The following KIF2A variants were observed in gnomAD, a reference collection of about 807,000 sequenced individuals.
KIF2A encodes kinesin family member 2A.
KIF2A carries 22 observed loss-of-function variants against 100.2 expected under a neutral mutation model. The ratio of observed to expected loss-of-function variants is 0.22; its 90% CI spans 0.16 to 0.31. KIF2A has a LOEUF of 0.31. Among genes scored for constraint, KIF2A ranks in the 10% least tolerant of loss-of-function variants. The pLI, the probability that KIF2A is intolerant of heterozygous loss-of-function variation, is 1.00. For synonymous variants in KIF2A, 268 were observed against 285.9 expected, an observed-to-expected ratio of 0.94 and a Z score of 0.63; for missense variants, 495 against 898.7, an observed-to-expected ratio of 0.55 and a Z score of 5.74.
chr5:62,371,186 C>T (rs929287974), intron 16 of KIF2A, among the ~76,000 whole-genome samples: 1 of 151,866 alleles, frequency 6.6e-6, no homozygotes, highest in Non-Finnish European at 1.5e-5. Flanking sequence ...AGCAGGAGGT[C>T]AAGGCTGCAA....
intron 1 of KIF2A, among the ~76,000 whole-genome samples, chr5:62,313,383 G>A (rs1385921925): frequency 1.3e-5 from 2 of 151,998 alleles, no homozygotes; most frequent in Non-Finnish European, 2.9e-5. Context: ...AGGGAGTCTC[G>A]CTCTTGTTGC....
chr5:62,353,477 G>T (rs1159812409), intron 6 of KIF2A, 102 bp downstream of exon 6: 4 of 510,100 alleles, frequency 7.8e-6, no homozygotes, highest in Admixed American at 8.4e-5. Flanking sequence ...CATTTTTTTT[G>T]AAGAATTTTA....
At chr5:62,307,912 C>G (rs1347417192) in intron 1 of KIF2A, among the ~76,000 whole-genome samples, 1 of 152,246 alleles carries the variant, frequency 6.6e-6, no homozygotes, top group Admixed American at 6.5e-5. Context: ...GCCATCGCGC[C>G]TGGCCTCGAT....
chr5:62,357,548 A>G lies in KIF2A; in HGVS notation c.655-143A>G, dbSNP rs563325841. The G allele has an allele frequency of 3.8e-3, 1,821 of 473,270 alleles. 10 individuals carry two copies. Among genetic ancestry groups the G allele is most frequent in the Non-Finnish European group, 5.1e-3 (1,362 of 269,338 alleles). The allele number at this position is 473,270 out of a possible 1,614,324, so 29.3% of individuals were successfully genotyped here. On this transcript the variant is annotated intron_variant, in intron 7 of 20. Transcript: ENST00000407818. ...TCTGACAACCATTAAAATTTGTGCA[A>G]AGCTAATTTGTTTTTTAAGCTTACC...
rs1402405359 is a variant in KIF2A at position 62,372,564 on chromosome 5, CTATACA to C, written c.1760+16_1760+21del. 7.5e-7 allele frequency: 1 copy of C among 1,326,744 alleles called. No individual in the cohort carries two copies. 82.2% of individuals were successfully genotyped at this position (1,326,744 alleles called of 1,614,324 possible). ...CTTCAGTTACCAGGTCTACTTCATT[CTATACA>C]TAAGATGTTTATTTGTATACTTTCT... On this transcript the variant is annotated intron_variant, in intron 17 of 20. Coordinates refer to ENST00000407818, the MANE Select transcript of KIF2A (RefSeq NM_001098511.3).
At chr5:62,332,291 TA>T (rs1212358149) in intron 1 of KIF2A, among the ~76,000 whole-genome samples, 2 of 152,202 alleles carry the variant, frequency 1.3e-5, no homozygotes, top group African/African-American at 2.4e-5. Flanking sequence ...TCCATGTATT[TA>T]TTTTTCTTCA....
At chr5:62,368,083 G>A (rs1741161218) in intron 16 of KIF2A, among the ~76,000 whole-genome samples, 1 of 151,936 alleles carries the variant, frequency 6.6e-6, no homozygotes, top group South Asian at 2.1e-4. Flanking sequence ...TAATTAAATG[G>A]ATAATGGATA....
intron 1 of KIF2A, among the ~76,000 whole-genome samples, chr5:62,325,872 CAT>C (rs1486801205): frequency 1.3e-5 from 2 of 152,162 alleles, no homozygotes; most frequent in Non-Finnish European, 2.9e-5. Context: ...ATAGCAAAGA[CAT>C]GTAATCAACC....
intron 1 of KIF2A, among the ~76,000 whole-genome samples, chr5:62,340,667 A>AT (rs1199853118): frequency 6.6e-6 from 1 of 151,882 alleles, no homozygotes; most frequent in Non-Finnish European, 1.5e-5. Flanking sequence ...CCATATCATG[A>AT]TTTTTTCCTT....
At chr5:62,344,386 A>C (rs2111897324) in intron 1 of KIF2A, among the ~76,000 whole-genome samples, 1 of 152,144 alleles carries the variant, frequency 6.6e-6, no homozygotes, top group East Asian at 1.9e-4. Flanking sequence ...TTGTAGGTAT[A>C]TTTGTTATGA....
At position 62,387,115 on chromosome 5, in the gene KIF2A, T is replaced by TAAAC. The variant is rs1183679406; in HGVS notation, c.*1548_*1551dup. The stretch of plus-strand genomic sequence containing the variant: ...CCTAATACAATTGTGAAAAGCTCTG[T>TAAAC]AAACATGAAATCTAAAACAAATGTA... On this transcript the variant is annotated 3_prime_UTR_variant, in exon 21 of 21. Transcript: ENST00000407818. 1 of 152,204 alleles carries TAAAC rather than the reference T, an allele frequency of 6.6e-6. No individual in the cohort carries two copies. The highest frequency in any genetic ancestry group is 2.4e-5 in the African/African-American group (1 of 41,454). The allele number at this position is 152,204 out of a possible 1,614,324, so 9.4% of individuals were successfully genotyped here. A position where few individuals can be genotyped will look rare whatever the true frequency, so the allele number is the denominator to read the frequency against.
Position 62,389,094 on chromosome 5 carries a change from T to TTTG in KIF2A, c.*3527_*3529dup. 6.4e-7 allele frequency: 1 copy of TTTG among 1,550,966 alleles called. No homozygotes were observed. Among genetic ancestry groups the TTTG allele is most frequent in the South Asian group, 1.1e-5 (1 of 88,534 alleles). On this transcript the variant is annotated 3_prime_UTR_variant, in exon 21 of 21. Coordinates refer to ENST00000407818, the MANE Select transcript of KIF2A (RefSeq NM_001098511.3). ...AAATGGAATGGTACTGAAAAGCTAA[T>TTTG]TTGTAGCACATAACGGTATATAGTT...
At chr5:62,332,598 TG>T (rs1746709922) in intron 1 of KIF2A, among the ~76,000 whole-genome samples, 1 of 152,166 alleles carries the variant, frequency 6.6e-6, no homozygotes, top group African/African-American at 2.4e-5. Context: ...CATCTAAGTT[TG>T]GGGTGAACAT....
At chr5:62,347,357 AT>A (rs1747624057) in intron 2 of KIF2A, 133 bp downstream of exon 2, 2 of 583,744 alleles carry the variant, frequency 3.4e-6, no homozygotes. Flanking sequence ...CTTTCAAATG[AT>A]TAAAAATTTT....
intron 1 of KIF2A, among the ~76,000 whole-genome samples, chr5:62,324,531 G>A (rs1444092758): frequency 6.6e-6 from 1 of 152,138 alleles, no homozygotes; most frequent in African/African-American, 2.4e-5. Flanking sequence ...AGTGGAACAA[G>A]ATTGAGAACC....
At chr5:62,336,960 T>C (rs920519549) in intron 1 of KIF2A, among the ~76,000 whole-genome samples, 1 of 152,184 alleles carries the variant, frequency 6.6e-6, no homozygotes, top group Admixed American at 6.5e-5. Context: ...TAAACAGATA[T>C]GAACTTGATG....
rs950944849 is a variant in KIF2A at position 62,387,012 on chromosome 5, A to G, written c.*1443A>G. Among the ~76,000 whole-genome samples the G allele has an allele frequency of 2.0e-5, 3 of 152,206 alleles. No homozygotes were observed. The highest frequency in any genetic ancestry group is 4.8e-5 in the African/African-American group (2 of 41,456). On this transcript the variant is annotated 3_prime_UTR_variant, in exon 21 of 21. Coordinates refer to ENST00000407818, the MANE Select transcript of KIF2A (RefSeq NM_001098511.3). Reference sequence around the variant, plus strand: ...ACTATCAGCTCCTTCACAGGAGCCAAAGGGGAGCTATGAATAGAGGGTCAC... The same window carrying G: ...ACTATCAGCTCCTTCACAGGAGCCAGAGGGGAGCTATGAATAGAGGGTCAC...
chr5:62,321,436 C>T (rs114236782), intron 1 of KIF2A, among the ~76,000 whole-genome samples: 1,811 of 152,210 alleles, frequency 0.012, 33 homozygotes, highest in African/African-American at 0.041. Context: ...TATTTTCCAT[C>T]TTTTTTATTA....
Position 62,352,688 on chromosome 5 carries a change from A to C in KIF2A, c.435A>C (p.Ala145=). 2 of 1,611,222 alleles carry C rather than the reference A, an allele frequency of 1.2e-6. No individual in the cohort carries two copies. The highest frequency in any genetic ancestry group is 1.1e-5 in the South Asian group (1 of 90,682). Reference sequence around the variant, plus strand: ...CAGATATATCTCCAGTTCAAGCTGCAAAAAAGGAATTTGGACCCCCTTGTA... The same window carrying C: ...CAGATATATCTCCAGTTCAAGCTGCCAAAAAGGAATTTGGACCCCCTTGTA... ...SVSDISPVQA[A]KKEFGPPSRR... Residue 145 remains alanine (A), a synonymous_variant, in exon 5 of 21, where the codon GCA becomes GCC. Coordinates refer to ENST00000407818, the MANE Select transcript of KIF2A (RefSeq NM_001098511.3).
Sources: allele counts gnomAD v4.1 joint callset (sites outside exome capture counted in the v4.1 genomes callset), GRCh38; gene constraint gnomAD v4.1.1; transcripts MANE v1.5; gene names NCBI Gene and HGNC (gene_info 2026-07-23, HGNC 2026-07-21).